KCNC4: variants seen among roughly 807,000 people sequenced by gnomAD.
KCNC4 encodes the protein potassium voltage-gated channel subfamily C member 4.
KCNC4 carries 23 observed loss-of-function variants against 42.8 expected under a neutral mutation model. The observed-to-expected ratio is 0.54, with a 90% CI of 0.39 to 0.76. KCNC4 has a LOEUF of 0.76. Ranked by LOEUF, KCNC4 falls within the 30% of genes least tolerant of loss-of-function variation. KCNC4 has a pLI of 0.00. For missense variants in KCNC4, 751 were observed against 898.2 expected, an observed-to-expected ratio of 0.84 and a Z score of 2.10; for synonymous variants, 422 against 393.5, an observed-to-expected ratio of 1.07 and a Z score of -0.86.
rs141313286 is a variant in KCNC4, at chr1:110,276,970, A to C, written n.31-5564A>C. On this transcript the variant is annotated intron_variant and non_coding_transcript_variant, in intron 1 of 2. Coordinates refer to the KCNC4 transcript ENST00000412512. ...ATATGTATATACCAATACCACCCAC[A>C]CATTTTTCATTATCAGAGACTCAGA... is the stretch of plus-strand genomic sequence containing the variant. Among the ~76,000 whole-genome samples, 383 of 152,324 alleles carry C rather than the reference A, an allele frequency of 2.5e-3. 4 individuals carry two copies. The highest frequency in any genetic ancestry group is 8.7e-3 in the African/African-American group (360 of 41,560).
chr1:110,262,609 C>T (rs141547023), intron 1 of KCNC4, among the ~76,000 whole-genome samples: 368 of 152,334 alleles, frequency 2.4e-3, no homozygotes, highest in African/African-American at 7.8e-3. Context: ...CTCCCAGAAG[C>T]CCATAGGATA....
In KCNC4 at chr1:110,211,483, G is replaced by T. The variant is rs1256958728; in HGVS notation, c.-17G>T. 3.7e-6 allele frequency: 6 copies of T among 1,600,748 alleles called. No individual in the cohort carries two copies. The highest frequency in any genetic ancestry group is 5.1e-6 in the Non-Finnish European group (6 of 1,170,970). On this transcript the variant is annotated 5_prime_UTR_variant, in exon 1 of 4. Coordinates refer to ENST00000438661, the MANE Select transcript of KCNC4 (RefSeq NM_001039574.3). This position sits in a 1 kb window ranked among gnomAD's most constrained non-coding sequence, Gnocchi z 6.5. ...AGGGCAGCGGCCGCCCCAAGCCGGA[G>T]CCCCGCAGCGCTTCTTATGATCAGC...
rs116799216 is a variant in KCNC4 at position 110,270,688 on chromosome 1, A to G, written n.31-11846A>G. Among the ~76,000 whole-genome samples, 1,451 of 152,348 alleles carry G rather than the reference A, an allele frequency of 9.5e-3. 19 individuals are homozygous for G. The highest frequency in any genetic ancestry group is 0.034 in the African/African-American group (1,396 of 41,578). On this transcript the variant is annotated intron_variant and non_coding_transcript_variant, in intron 1 of 2. Transcript: ENST00000412512. ...GAAGATAAATAGAAGCAGTATGTGC[A>G]AGGGAAACAAGGCTACAAAGGTGGG...
intron 1 of KCNC4, among the ~76,000 whole-genome samples, chr1:110,259,085 ATCC>A (rs1022122194): frequency 3.3e-5 from 5 of 152,218 alleles, no homozygotes; most frequent in African/African-American, 1.2e-4. Flanking sequence ...AATCGGAGGT[ATCC>A]TCCTCAAGCA....
intron 3 of KCNC4, among the ~76,000 whole-genome samples, chr1:110,228,023 A>G (rs1306633913): frequency 1.3e-5 from 2 of 152,160 alleles, no homozygotes; most frequent in African/African-American, 4.8e-5. Flanking sequence ...GAGAGGGAAC[A>G]GGTGGGTTGC....
In KCNC4 at chr1:110,210,749, G is replaced by A. The variant is rs564675590; in HGVS notation, c.-751G>A. ...CCGGTCCGGCGCAGCTCCCAGCCGCGGACGCAGGACCCGAGGCTCGCTCCT... is the reference window on the plus strand; with the variant it reads ...CCGGTCCGGCGCAGCTCCCAGCCGCAGACGCAGGACCCGAGGCTCGCTCCT... On this transcript the variant is annotated 5_prime_UTR_variant, in exon 1 of 4. Transcript: ENST00000438661. Among the ~76,000 whole-genome samples the A allele has an allele frequency of 4.9e-4, 75 of 151,646 alleles. No individual in the cohort carries two copies. The highest frequency in any genetic ancestry group is 1.7e-3 in the African/African-American group (71 of 41,456).
chr1:110,271,790 A>G (rs928383484), intron 1 of KCNC4, among the ~76,000 whole-genome samples: 1 of 151,984 alleles, frequency 6.6e-6, no homozygotes, highest in African/African-American at 2.4e-5. Context: ...TGGGGAGGAG[A>G]CTGTCCCCAT....
At chr1:110,229,710 C>T (rs1334674218) in intron 3 of KCNC4, among the ~76,000 whole-genome samples, 1 of 152,180 alleles carries the variant, frequency 6.6e-6, no homozygotes, top group Non-Finnish European at 1.5e-5. Context: ...CAGGGGTACA[C>T]CTTGCGCAGG....
At chr1:110,283,088 AG>A (rs1434137556) in exon 3 of KCNC4, 5 of 152,336 alleles carry the variant, frequency 3.3e-5, no homozygotes, top group Admixed American at 2.6e-4. Flanking sequence ...GGAAGATCAA[AG>A]GGGAAGTGGA....
exon 4 of KCNC4, chr1:110,244,564 A>G (rs1659103231): frequency 6.6e-6 from 1 of 151,958 alleles, no homozygotes; most frequent in Non-Finnish European, 1.5e-5. Flanking sequence ...CAGCAGCGCC[A>G]CCTCTGTGTT....
At chr1:110,227,352 C>A (rs1476907094) in intron 3 of KCNC4, among the ~76,000 whole-genome samples, 2 of 152,330 alleles carry the variant, frequency 1.3e-5, no homozygotes, top group Admixed American at 6.5e-5. Context: ...CAGTACCACT[C>A]TCCCCATGGA....
At chr1:110,264,086 T>C (rs4838972) in intron 1 of KCNC4, among the ~76,000 whole-genome samples, 6,630 of 152,228 alleles carry the variant, frequency 0.044, 257 homozygotes, top group African/African-American at 0.081. Context: ...AACACTGACA[T>C]TGGGACTGCA....
rs1320175650 is a variant in KCNC4 at position 110,211,431 on chromosome 1, C to T, written c.-69C>T. Reference sequence around the variant, plus strand: ...CGTCTCCTCCCCCTCCCCCGTCTGACGCTGCCTCCTCGGGAAGGGTGTTTG... The same window carrying T: ...CGTCTCCTCCCCCTCCCCCGTCTGATGCTGCCTCCTCGGGAAGGGTGTTTG... On this transcript the variant is annotated 5_prime_UTR_variant, in exon 1 of 4. In the 5' UTR this introduces an upstream ATG that the reference lacks. Coordinates refer to ENST00000438661, the MANE Select transcript of KCNC4 (RefSeq NM_001039574.3). This position sits in a 1 kb window ranked among gnomAD's most constrained non-coding sequence, Gnocchi z 6.5. The T allele has an allele frequency of 1.3e-6, 2 of 1,513,146 alleles. No homozygotes were observed. The highest frequency in any genetic ancestry group is 1.8e-6 in the Non-Finnish European group (2 of 1,126,968). 93.7% of individuals were successfully genotyped at this position (1,513,146 alleles called of 1,614,324 possible). A position where few individuals can be genotyped will look rare whatever the true frequency, so the allele number is the denominator to read the frequency against.
At chr1:110,265,796 G>C (rs1333652989) in intron 1 of KCNC4, among the ~76,000 whole-genome samples, 1 of 152,134 alleles carries the variant, frequency 6.6e-6, no homozygotes, top group Non-Finnish European at 1.5e-5. Context: ...GGAGAAACTG[G>C]GCTGGTGGTG....
At chr1:110,228,920 C>A (rs1379995067) in intron 3 of KCNC4, 1 of 152,180 alleles carries the variant, frequency 6.6e-6, no homozygotes, top group Non-Finnish European at 1.5e-5. Flanking sequence ...CAGAGCTTCT[C>A]CCCATATTGG....
At position 110,211,483 on chromosome 1, in the gene KCNC4, G is replaced by GC; in HGVS notation, c.-13dup. ...AGGGCAGCGGCCGCCCCAAGCCGGA[G>GC]CCCCGCAGCGCTTCTTATGATCAGC... On this transcript the variant is annotated 5_prime_UTR_variant, in exon 1 of 4. Coordinates refer to ENST00000438661, the MANE Select transcript of KCNC4 (RefSeq NM_001039574.3). This position sits in a 1 kb window ranked among gnomAD's most constrained non-coding sequence, Gnocchi z 6.5. 1.2e-6 allele frequency: 2 copies of GC among 1,600,748 alleles called. No homozygotes were observed. Among genetic ancestry groups the GC allele is most frequent in the Non-Finnish European group, 1.7e-6 (2 of 1,170,970 alleles).
chr1:110,225,847 C>T (rs1658357658), intron 2 of KCNC4, 128 bp from the exon 3 acceptor site: 4 of 868,558 alleles, frequency 4.6e-6, no homozygotes, highest in East Asian at 2.5e-5. Flanking sequence ...AATGCTGCCT[C>T]TCAGGTAGAT....
intron 1 of KCNC4, among the ~76,000 whole-genome samples, chr1:110,271,652 G>C (rs904823660): frequency 6.6e-6 from 1 of 152,082 alleles, no homozygotes; most frequent in Non-Finnish European, 1.5e-5. Flanking sequence ...TCTTTAGAAG[G>C]CCATTCCAAC....
chr1:110,274,670 G>T (rs139594045), intron 1 of KCNC4, among the ~76,000 whole-genome samples: 1 of 152,216 alleles, frequency 6.6e-6, no homozygotes, highest in African/African-American at 2.4e-5. Context: ...TAGACACAAA[G>T]ATCAATAGAA....
Sources: gnomAD v4.1 joint callset for allele counts (sites outside exome capture counted in the v4.1 genomes callset) on GRCh38, gnomAD v4.1.1 for gene constraint, Gnocchi (gnomAD v3.1) non-coding constraint, MANE v1.5 for transcripts, NCBI Gene and HGNC (gene_info 2026-07-23, HGNC 2026-07-21) for gene names.